INHBC: variants seen among roughly 807,000 people sequenced by gnomAD.
INHBC encodes the protein inhibin beta C chain.
In INHBC, 10 loss-of-function variants were observed where a neutral mutation model predicts 12.4. That is an observed-to-expected ratio of 0.81 (90% CI 0.50 to 1.37). INHBC has a LOEUF of 1.37. INHBC is among the 40% of genes most tolerant of loss of function. INHBC has a pLI of 0.00. For missense variants in INHBC, 382 were observed against 439.4 expected (o/e 0.87, Z 1.17); for synonymous variants, 147 against 171.6 (o/e 0.86, Z 1.12).
intron 1 of INHBC, among the ~76,000 whole-genome samples, chr12:57,442,235 A>G (rs1371883148): frequency 2.6e-5 from 4 of 152,202 alleles, no homozygotes; most frequent in Non-Finnish European, 5.9e-5. Context: ...AATAAACACC[A>G]TGCTTGCTAA....
intron 1 of INHBC, among the ~76,000 whole-genome samples, chr12:57,443,623 G>A (rs569196802): frequency 6.6e-6 from 1 of 152,086 alleles, no homozygotes; most frequent in East Asian, 1.9e-4. Flanking sequence ...AATGGCTAAG[G>A]CCAAATTACA....
At chr12:57,443,542 C>T (rs1870513594) in intron 1 of INHBC, among the ~76,000 whole-genome samples, 1 of 152,022 alleles carries the variant, frequency 6.6e-6, no homozygotes, top group South Asian at 2.1e-4. Flanking sequence ...CCTTGGCCTC[C>T]CAAAGTGCTG....
chr12:57,436,531 G>A (rs1037098516), intron 1 of INHBC, among the ~76,000 whole-genome samples: 30 of 141,080 alleles, frequency 2.1e-4, no homozygotes, highest in African/African-American at 7.7e-4. Flanking sequence ...CTGGAATGCA[G>A]TGGTATGATC....
rs1018535673 is a variant in INHBC, at chr12:57,451,916, TG to T, written c.*1901del. On this transcript the variant is annotated 3_prime_UTR_variant, in exon 2 of 2. Transcript: ENST00000309668. ...GGTAAAGCAAAGTGAGTCATTCACC[TG>T]GGGGGGCTAAATTTTAAGGGGGTGG... The T allele has an allele frequency of 6.7e-6, 3 of 444,622 alleles. No individual in the cohort carries two copies. Among genetic ancestry groups the T allele is most frequent in the East Asian group, 7.0e-5 (1 of 14,202 alleles). The allele number at this position is 444,622 out of a possible 1,614,324, so 27.5% of individuals were successfully genotyped here. A position where few individuals can be genotyped will look rare whatever the true frequency, so the allele number is the denominator to read the frequency against.
Position 57,435,156 on chromosome 12 carries a change from C to T in INHBC, c.270C>T (p.Asp90=). Residue 90 remains aspartate (D), a synonymous_variant, in exon 1 of 2, where the codon GAC becomes GAT. Coordinates refer to ENST00000309668, the MANE Select transcript of INHBC (RefSeq NM_005538.4). Reference sequence around the variant, plus strand: ...TCCCACAGGGGGCACTTCTAGAGGACAACAGGGAACAGGAATGTGAAATCA... The same window carrying T: ...TCCCACAGGGGGCACTTCTAGAGGATAACAGGGAACAGGAATGTGAAATCA... The part of the protein sequence containing the change: ...HGVPQGALLE[D]NREQECEIIS... 1 of 1,614,108 alleles carries T rather than the reference C, an allele frequency of 6.2e-7. No individual in the cohort carries two copies. Among genetic ancestry groups the T allele is most frequent in the Non-Finnish European group, 8.5e-7 (1 of 1,179,986 alleles).
At chr12:57,447,330 G>A (rs986411565) in intron 1 of INHBC, among the ~76,000 whole-genome samples, 9 of 151,762 alleles carry the variant, frequency 5.9e-5, no homozygotes, top group South Asian at 2.1e-4. Flanking sequence ...GATTACAGGC[G>A]CCCACTGCCA....
intron 1 of INHBC, among the ~76,000 whole-genome samples, chr12:57,435,996 G>A (rs939865899): frequency 6.6e-6 from 1 of 151,572 alleles, no homozygotes; most frequent in African/African-American, 2.4e-5. Context: ...ACAGGTGCCC[G>A]CCACCACACC....
intron 1 of INHBC, among the ~76,000 whole-genome samples, chr12:57,447,902 T>TATAC (rs1555325189): frequency 2.3e-5 from 2 of 87,882 alleles, no homozygotes; most frequent in East Asian, 6.6e-4. Context: ...AATATATATA[T>TATAC]ATATATATAT....
chr12:57,449,580 C>A lies in INHBC; in HGVS notation c.617C>A (p.Ala206Asp). Residue 206 changes from alanine to aspartate, a missense_variant, in exon 2 of 2, where the codon GCC (alanine) becomes GAC (aspartate). By Grantham distance (126) the Ala-to-Asp change is moderately radical. Coordinates refer to ENST00000309668, the MANE Select transcript of INHBC (RefSeq NM_005538.4). ...TLELVLEGQV[A>D]QSSVILGGAA... ...GAGCTGGTACTTGAAGGCCAGGTAG[C>A]CCAGAGCTCAGTCATCCTGGGTGGA... 6.2e-7 allele frequency: 1 copy of A among 1,614,250 alleles called. No individual in the cohort carries two copies. Among genetic ancestry groups the A allele is most frequent in the Non-Finnish European group, 8.5e-7 (1 of 1,180,050 alleles).
intron 1 of INHBC, among the ~76,000 whole-genome samples, chr12:57,435,640 C>A (rs1870318881): frequency 6.6e-6 from 1 of 152,096 alleles, no homozygotes; most frequent in Admixed American, 6.6e-5. Context: ...AAATAAAACA[C>A]CAGGACTGCA....
chr12:57,442,891 A>G (rs1870494967), intron 1 of INHBC, among the ~76,000 whole-genome samples: 1 of 151,322 alleles, frequency 6.6e-6, no homozygotes, highest in Non-Finnish European at 1.5e-5. Context: ...CTCGGGAGGC[A>G]GAGGCAGGAG....
chr12:57,444,023 A>C (rs1403088715), intron 1 of INHBC, among the ~76,000 whole-genome samples: 1 of 151,314 alleles, frequency 6.6e-6, no homozygotes, highest in Non-Finnish European at 1.5e-5. Flanking sequence ...TCATGACCTC[A>C]TGACCTCAGG....
At position 57,444,766 on chromosome 12, in the gene INHBC, C is replaced by T. The variant is rs2139833678; in HGVS notation, c.314-4511C>T. On this transcript the variant is annotated intron_variant, in intron 1 of 1. Transcript: ENST00000309668. ...TGATCTTGGCTCATTGCAGCTTTGACCTCCTGGGCTCAAGTGATTCTCCCG... is the reference window on the plus strand; with the variant it reads ...TGATCTTGGCTCATTGCAGCTTTGATCTCCTGGGCTCAAGTGATTCTCCCG... Among the ~76,000 whole-genome samples the T allele has an allele frequency of 2.0e-5, 3 of 152,126 alleles. No homozygotes were observed. In the South Asian group the frequency reaches 6.2e-4, roughly 32 times the overall value.
intron 1 of INHBC, among the ~76,000 whole-genome samples, chr12:57,444,374 C>T (rs1267199285): frequency 1.3e-5 from 2 of 151,850 alleles, no homozygotes; most frequent in South Asian, 2.1e-4. Flanking sequence ...AACTCCGTCT[C>T]TACTAAAAAT....
chr12:57,446,660 A>G (rs1057177399), intron 1 of INHBC, among the ~76,000 whole-genome samples: 6 of 151,642 alleles, frequency 4.0e-5, no homozygotes, highest in African/African-American at 1.2e-4. Flanking sequence ...ACGCCTGGGT[A>G]ATTTTGTAAT....
At chr12:57,444,247 G>A (rs561658624) in intron 1 of INHBC, among the ~76,000 whole-genome samples, 19 of 151,818 alleles carry the variant, frequency 1.3e-4, no homozygotes, top group South Asian at 6.3e-4. Flanking sequence ...ACAAATGAAC[G>A]AAGAACCACA....
At chr12:57,447,862 C>CAAAAAAAA (rs869208182) in intron 1 of INHBC, among the ~76,000 whole-genome samples, 1 of 5,242 alleles carries the variant, frequency 1.9e-4, no homozygotes, top group Non-Finnish European at 4.1e-4. Context: ...AACTCCGTCT[C>CAAAAAAAA]AAAAAAAAAA....
chr12:57,447,894 T>A (rs1045749348), intron 1 of INHBC, among the ~76,000 whole-genome samples: 1,418 of 24,344 alleles, frequency 0.058, 15 homozygotes, highest in Non-Finnish European at 0.075. Flanking sequence ...AAAAAAAAAA[T>A]ATATATATAT....
chr12:57,435,034 A>G lies in INHBC; in HGVS notation c.148A>G (p.Ser50Gly). 6.2e-7 allele frequency: 1 copy of G among 1,614,192 alleles called. No homozygotes were observed. Among genetic ancestry groups the G allele is most frequent in the Non-Finnish European group, 8.5e-7 (1 of 1,180,044 alleles). The change falls in exon 1 of 2, where the codon AGC (serine) becomes GGC (glycine). Residue 50 changes from serine (S) to glycine (G), a missense_variant. Ser to Gly is a moderately conservative substitution (Grantham distance 56). Coordinates refer to ENST00000309668, the MANE Select transcript of INHBC (RefSeq NM_005538.4). ...GCTGCTTCTTGATCTGGCCAAGAGA[A>G]GCATCTTGGACAAGCTGCACCTCAC... is the stretch of plus-strand genomic sequence containing the variant. ...RELLLDLAKR[S>G]ILDKLHLTQR...
Sources: gnomAD v4.1 joint callset for allele counts (sites outside exome capture counted in the v4.1 genomes callset) on GRCh38, gnomAD v4.1.1 for gene constraint, MANE v1.5 for transcripts, NCBI Gene and HGNC (gene_info 2026-07-23, HGNC 2026-07-21) for gene names.